Variants in ACTN1 observed in about 807,000 individuals in gnomAD.
The protein encoded by ACTN1 is actinin alpha 1, also known as alpha-actinin-1.
A neutral mutation model predicts 119.6 loss-of-function variants in ACTN1; 30 were observed. The ratio of observed to expected loss-of-function variants is 0.25; its 90% CI spans 0.19 to 0.34. The LOEUF is 0.34. Among genes scored for constraint, ACTN1 ranks in the 10% least tolerant of loss-of-function variants. The probability of loss-of-function intolerance (pLI) is 1.00; values close to 1 mark genes in which losing one functional copy is unlikely to be tolerated. For missense variants in ACTN1, 764 were observed against 1,223.4 expected (o/e 0.62, Z 5.60); for synonymous variants, 429 against 472.6 (o/e 0.91, Z 1.20).
At chr14:68,905,811 G>T (rs1471029813) in intron 6 of ACTN1, among the ~76,000 whole-genome samples, 1 of 152,112 alleles carries the variant, frequency 6.6e-6, no homozygotes, top group Non-Finnish European at 1.5e-5. Flanking sequence ...GACCAACGTG[G>T]TGACACCCCG....
In ACTN1 at chr14:68,882,366, C is replaced by G; in HGVS notation, c.1953+92G>C. The G allele has an allele frequency of 6.5e-7, 1 of 1,540,196 alleles. No individual in the cohort carries two copies. The highest frequency in any genetic ancestry group is 8.8e-7 in the Non-Finnish European group (1 of 1,133,488). On this transcript the variant is annotated intron_variant, in intron 16 of 21. Transcript: ENST00000394419. This position sits in a 1 kb window ranked among gnomAD's most constrained non-coding sequence, Gnocchi z 4.5. ...CTCCGGGCCTCAGTCCTCCATGGGT[C>G]CCACCCAGGGAGACAGGCAGCCTGG...
rs143112930 is a variant in ACTN1, at chr14:68,877,363, A to G, written c.2428-123T>C. 5,485 of 1,254,048 alleles carry G rather than the reference A, an allele frequency of 4.4e-3. 18 individuals carry two copies. Among genetic ancestry groups the G allele is most frequent in the Non-Finnish European group, 5.3e-3 (4,848 of 911,776 alleles). The allele number at this position is 1,254,048 out of a possible 1,614,324, so 77.7% of individuals were successfully genotyped here. On this transcript the variant is annotated intron_variant, in intron 20 of 21. Transcript: ENST00000394419. ...TGGAAGAGAAGGGCACATCCCCCTG[A>G]CCTAACCTGGGTTGTCCTAAGGGTA...
rs141668847 is a variant in ACTN1, at chr14:68,874,904, G to A, written c.2700C>T (p.Asp900=). The A allele has an allele frequency of 1.9e-6, 3 of 1,610,078 alleles. No individual in the cohort carries two copies. Among genetic ancestry groups the A allele is most frequent in the Non-Finnish European group, 2.5e-6 (3 of 1,176,998 alleles). ...TGPDSVPGAL[D]YMSFSTALYG... ...ACAGCGCCGTGGAGAAGGACATGTAGTCCAGAGCACCTGGCACGGAGTCGG... is the reference window on the plus strand; with the variant it reads ...ACAGCGCCGTGGAGAAGGACATGTAATCCAGAGCACCTGGCACGGAGTCGG... The change falls in exon 22 of 22, where the codon GAC becomes GAT. Residue 900 remains aspartate (D), a synonymous_variant. Transcript: ENST00000394419.
chr14:68,942,250 C>T (rs2035785053), intron 1 of ACTN1, among the ~76,000 whole-genome samples: 1 of 152,136 alleles, frequency 6.6e-6, no homozygotes, highest in African/African-American at 2.4e-5. Context: ...CATGATGGTG[C>T]ACCCCTATAG....
chr14:68,908,413 C>T lies in ACTN1; in HGVS notation c.594+905G>A, dbSNP rs1037012914. Reference sequence around the variant, plus strand: ...CAGGCAAGGCAAGAGCTACACTGAACACTGTGTTCTCCAGCATCAAGGTGA... The same window carrying T: ...CAGGCAAGGCAAGAGCTACACTGAATACTGTGTTCTCCAGCATCAAGGTGA... On this transcript the variant is annotated intron_variant, in intron 6 of 21. Transcript: ENST00000394419. Among the ~76,000 whole-genome samples the T allele has an allele frequency of 3.9e-5, 6 of 152,300 alleles. No homozygotes were observed. The East Asian group carries it at 1.2e-3, about 29-fold the overall frequency.
At chr14:68,919,671 TTGCG>T (rs1328507422) in intron 3 of ACTN1, among the ~76,000 whole-genome samples, 4 of 152,184 alleles carry the variant, frequency 2.6e-5, no homozygotes, top group Non-Finnish European at 5.9e-5. Flanking sequence ...ATAAGGCACC[TTGCG>T]TGACCACCTT....
chr14:68,928,838 G>A (rs894907478), intron 1 of ACTN1, among the ~76,000 whole-genome samples: 15 of 152,038 alleles, frequency 9.9e-5, no homozygotes, highest in Non-Finnish European at 1.6e-4. Context: ...CTCTCCTGTC[G>A]TAGGTCCCAC....
chr14:68,892,992 G>A (rs1228559430), intron 9 of ACTN1, among the ~76,000 whole-genome samples: 1 of 152,156 alleles, frequency 6.6e-6, no homozygotes, highest in Admixed American at 6.5e-5. Context: ...GCCCTACCAG[G>A]TCCTGTAACT....
chr14:68,906,675 A>C (rs1438925838), intron 6 of ACTN1, among the ~76,000 whole-genome samples: 1 of 152,120 alleles, frequency 6.6e-6, no homozygotes, highest in African/African-American at 2.4e-5. Context: ...AGGAAGGAAG[A>C]GCTTCCCAGT....
intron 1 of ACTN1, chr14:68,974,035 C>G (rs921171094): frequency 1.3e-5 from 2 of 152,348 alleles, no homozygotes; most frequent in African/African-American, 4.8e-5. Context: ...CAACATCTCT[C>G]TATGCACTCT....
At chr14:68,937,804 C>T (rs995474067) in intron 1 of ACTN1, among the ~76,000 whole-genome samples, 2 of 152,248 alleles carry the variant, frequency 1.3e-5, no homozygotes, top group African/African-American at 4.8e-5. Context: ...TCACCAGCCT[C>T]CCCAGGCAAG....
chr14:68,964,899 G>C (rs2036656499), intron 1 of ACTN1, among the ~76,000 whole-genome samples: 1 of 152,178 alleles, frequency 6.6e-6, no homozygotes, highest in South Asian at 2.1e-4. Flanking sequence ...AGGAACATCA[G>C]AGTGTAAGGG....
chr14:68,906,172 T>C (rs2033659658), intron 6 of ACTN1, among the ~76,000 whole-genome samples: 1 of 152,142 alleles, frequency 6.6e-6, no homozygotes, highest in African/African-American at 2.4e-5. Context: ...AGTTGTACAA[T>C]AATGTGAGTG....
chr14:68,932,848 C>T (rs917016093), intron 1 of ACTN1, among the ~76,000 whole-genome samples: 3 of 152,178 alleles, frequency 2.0e-5, no homozygotes, highest in Non-Finnish European at 2.9e-5. Context: ...TTGCTGGTAA[C>T]ATCGCCCAAC....
intron 1 of ACTN1, among the ~76,000 whole-genome samples, chr14:68,975,469 G>T (rs1334931486): frequency 6.6e-6 from 1 of 152,196 alleles, no homozygotes; most frequent in South Asian, 2.1e-4. Context: ...GACTCAGAGA[G>T]GAACTTGCCC....
At chr14:68,919,373 C>T (rs188214097) in intron 3 of ACTN1, among the ~76,000 whole-genome samples, 16 of 152,354 alleles carry the variant, frequency 1.1e-4, no homozygotes, top group Admixed American at 5.2e-4. Context: ...CGAGCCTGCA[C>T]TAACCACCTG....
At position 68,882,028 on chromosome 14, in the gene ACTN1, C is replaced by T. The variant is rs1458865986; in HGVS notation, c.1953+430G>A. Among the ~76,000 whole-genome samples, 1 of 144,232 alleles carries T rather than the reference C, an allele frequency of 6.9e-6. No individual in the cohort carries two copies. Among genetic ancestry groups the T allele is most frequent in the South Asian group, 2.2e-4 (1 of 4,502 alleles). 94.6% of individuals were successfully genotyped at this position (144,232 alleles called of 152,430 possible). A position where few individuals can be genotyped will look rare whatever the true frequency, so the allele number is the denominator to read the frequency against. On this transcript the variant is annotated intron_variant, in intron 16 of 21. Transcript: ENST00000394419. This position sits in a 1 kb window ranked among gnomAD's most constrained non-coding sequence, Gnocchi z 4.5. ...TCAGCTCACTGCAATCTCCGTCTCC[C>T]GGGTTCAAGCGATTCTCCTGCCTCA...
Position 68,918,463 on chromosome 14 carries a change from G to C in ACTN1, c.340+2543C>G, listed in dbSNP as rs75918209. Among the ~76,000 whole-genome samples the C allele has an allele frequency of 3.3e-5, 5 of 151,722 alleles. No individual in the cohort carries two copies. In the East Asian group the frequency reaches 9.8e-4, roughly 30 times the overall value. On this transcript the variant is annotated intron_variant, in intron 3 of 21. Transcript: ENST00000394419. The stretch of plus-strand genomic sequence containing the variant: ...TAGCCAGGCGTGGTGGTGGGCGCCT[G>C]TAGTCCCAGCTACTCGGGAGGCTGA...
intron 1 of ACTN1, among the ~76,000 whole-genome samples, chr14:68,939,124 G>A (rs1445565713): frequency 2.0e-5 from 3 of 152,228 alleles, no homozygotes; most frequent in Non-Finnish European, 4.4e-5. Context: ...CCCCCAGAAG[G>A]CAGACTGCCC....
Sources: gnomAD v4.1 joint callset for allele counts (sites outside exome capture counted in the v4.1 genomes callset) on GRCh38, gnomAD v4.1.1 for gene constraint, Gnocchi (gnomAD v3.1) non-coding constraint, MANE v1.5 for transcripts, NCBI Gene and HGNC (gene_info 2026-07-23, HGNC 2026-07-21) for gene names.